The following VPS50 variants were observed in gnomAD, a reference collection of about 807,000 sequenced individuals.
VPS50 encodes VPS50 subunit of EARP/GARPII complex, also known as syndetin.
VPS50 carries 70 observed loss-of-function variants against 139.7 expected under a neutral mutation model. That is an observed-to-expected ratio of 0.50 (90% confidence interval 0.41 to 0.61). The LOEUF (loss-of-function observed/expected upper bound fraction) is 0.61. Among genes scored for constraint, VPS50 ranks in the 20% least tolerant of loss-of-function variants. The pLI, the probability that VPS50 is intolerant of heterozygous loss-of-function variation, is 0.00. For missense variants in VPS50, 921 were observed against 1,133.7 expected, an observed-to-expected ratio of 0.81 and a Z score of 2.69; for synonymous variants, 365 against 376.7, an observed-to-expected ratio of 0.97 and a Z score of 0.36.
intron 9 of VPS50, among the ~76,000 whole-genome samples, chr7:93,263,872 A>G (rs1296226690): frequency 6.6e-6 from 1 of 152,220 alleles, no homozygotes; most frequent in Non-Finnish European, 1.5e-5. Context: ...AAATAACAAT[A>G]CAACACAAAA....
At chr7:93,357,241 C>G (rs1246061591) in intron 27 of VPS50, among the ~76,000 whole-genome samples, 1 of 152,156 alleles carries the variant, frequency 6.6e-6, no homozygotes, top group East Asian at 1.9e-4. Context: ...AGGCACAGCT[C>G]TATTCGATGC....
intron 27 of VPS50, 100 bp from the exon 28 acceptor site, chr7:93,358,217 T>G: frequency 9.5e-7 from 1 of 1,051,722 alleles, no homozygotes; most frequent in Non-Finnish European, 1.4e-6. Flanking sequence ...TAATGCTCAG[T>G]AACTATCCAC....
chr7:93,299,492 T>A (rs1796913120), intron 16 of VPS50, among the ~76,000 whole-genome samples: 1 of 152,214 alleles, frequency 6.6e-6, no homozygotes, highest in African/African-American at 2.4e-5. Context: ...ACAGTTTGGT[T>A]CATGGTCCTC....
chr7:93,314,378 A>C (rs1220124484), intron 20 of VPS50, among the ~76,000 whole-genome samples: 1 of 152,152 alleles, frequency 6.6e-6, no homozygotes, highest in African/African-American at 2.4e-5. Flanking sequence ...GTGGTAACTA[A>C]ATTTATTAGA....
chr7:93,284,286 C>G (rs1796416478), intron 12 of VPS50, among the ~76,000 whole-genome samples: 1 of 152,052 alleles, frequency 6.6e-6, no homozygotes, highest in South Asian at 2.1e-4. Flanking sequence ...TAAATACTGC[C>G]TTTTTTTGTG....
intron 16 of VPS50, among the ~76,000 whole-genome samples, chr7:93,299,652 A>C (rs1165013397): frequency 6.6e-6 from 1 of 152,148 alleles, no homozygotes; most frequent in Non-Finnish European, 1.5e-5. Flanking sequence ...TCTACTTATG[A>C]AATGTATTAA....
At chr7:93,288,730 G>A (rs1239326661) in intron 12 of VPS50, among the ~76,000 whole-genome samples, 1 of 152,104 alleles carries the variant, frequency 6.6e-6, no homozygotes. Flanking sequence ...AGTCCAGTGT[G>A]AACTGATTCA....
intron 11 of VPS50, chr7:93,275,708 C>G (rs1238614715): frequency 6.5e-6 from 1 of 154,406 alleles, no homozygotes; most frequent in Non-Finnish European, 1.4e-5. Flanking sequence ...ACAAATGTTA[C>G]AAAGAAATAT....
chr7:93,313,853 A>G (rs977415135), intron 20 of VPS50, among the ~76,000 whole-genome samples: 2 of 152,212 alleles, frequency 1.3e-5, no homozygotes, highest in African/African-American at 4.8e-5. Flanking sequence ...CCACTACCAT[A>G]TCTTTTACTG....
intron 20 of VPS50, among the ~76,000 whole-genome samples, chr7:93,313,554 G>A (rs1232783702): frequency 6.6e-6 from 1 of 152,096 alleles, no homozygotes; most frequent in Non-Finnish European, 1.5e-5. Flanking sequence ...AGGCATAAGG[G>A]AATTGAAGAA....
intron 20 of VPS50, among the ~76,000 whole-genome samples, chr7:93,318,499 T>C (rs1025409115): frequency 2.6e-5 from 4 of 152,254 alleles, no homozygotes; most frequent in African/African-American, 9.6e-5. Flanking sequence ...TTATATTCAT[T>C]GATGGTGTCT....
chr7:93,319,873 G>A (rs1797549530), intron 20 of VPS50, among the ~76,000 whole-genome samples: 1 of 151,832 alleles, frequency 6.6e-6, no homozygotes, highest in Admixed American at 6.6e-5. Context: ...TACCTTTTAG[G>A]AGACTTAATT....
chr7:93,326,859 C>T (rs1289947894), intron 21 of VPS50, among the ~76,000 whole-genome samples: 1 of 152,076 alleles, frequency 6.6e-6, no homozygotes, highest in Non-Finnish European at 1.5e-5. Flanking sequence ...GCTGTGATCA[C>T]AAGTATGTCA....
In VPS50 at chr7:93,311,217, TA is replaced by T; in HGVS notation, c.1803del (p.Val602Ter). 1 of 1,436,910 alleles carries T rather than the reference TA, an allele frequency of 7.0e-7. No individual in the cohort carries two copies. Among genetic ancestry groups the T allele is most frequent in the Non-Finnish European group, 9.8e-7 (1 of 1,018,518 alleles). The allele number at this position is 1,436,910 out of a possible 1,614,324, so 89.0% of individuals were successfully genotyped here. On this transcript the variant is annotated frameshift_variant, in exon 20 of 28. Transcript: ENST00000305866. LOFTEE classifies it high-confidence loss of function. ...GGAAGAAATCAGATTACAGTCTAAA[TA>T]AAGTGAATGCACCTATCTTAACAAA... Reference protein sequence around the residue: ...SRKKSDYSLNKVNAPILTNTT... With the variant: ...SRKKSDYSLNXVNAPILTNTT...
chr7:93,308,118 AGATGATGATGAT>A (rs59549693), intron 18 of VPS50, among the ~76,000 whole-genome samples: 16 of 150,312 alleles, frequency 1.1e-4, no homozygotes, highest in Admixed American at 4.0e-4. Flanking sequence ...TGACATTAAT[AGATGATGATGAT>A]GATGATGATG....
intron 2 of VPS50, among the ~76,000 whole-genome samples, chr7:93,243,399 T>C (rs1795053301): frequency 1.3e-5 from 2 of 151,920 alleles, no homozygotes; most frequent in Non-Finnish European, 2.9e-5. Flanking sequence ...GATTCCCTGG[T>C]AATTCCAGTG....
chr7:93,351,898 C>A (rs769395885), intron 25 of VPS50, among the ~76,000 whole-genome samples: 2 of 152,166 alleles, frequency 1.3e-5, no homozygotes, highest in Non-Finnish European at 2.9e-5. Context: ...AGAAAGAACT[C>A]GTGTTACTCA....
chr7:93,330,241 T>C (rs890367160), intron 21 of VPS50, among the ~76,000 whole-genome samples: 2 of 152,104 alleles, frequency 1.3e-5, no homozygotes, highest in African/African-American at 4.8e-5. Context: ...ACTTTAACTT[T>C]TAGCCAACAG....
At chr7:93,268,824 A>G (rs561028318) in intron 9 of VPS50, among the ~76,000 whole-genome samples, 2 of 152,260 alleles carry the variant, frequency 1.3e-5, no homozygotes, top group East Asian at 3.9e-4. Flanking sequence ...GTGAGCATAC[A>G]CGTGCATGTA....
Sources: gnomAD v4.1 joint callset for allele counts (sites outside exome capture counted in the v4.1 genomes callset) on GRCh38, gnomAD v4.1.1 for gene constraint, MANE v1.5 for transcripts, NCBI Gene and HGNC (gene_info 2026-07-23, HGNC 2026-07-21) for gene names.